Variants in FARSB observed in about 807,000 individuals in gnomAD.
The protein encoded by FARSB is phenylalanyl-tRNA synthetase subunit beta.
A neutral mutation model predicts 69.6 loss-of-function variants in FARSB; 40 were observed. The ratio of observed to expected loss-of-function variants is 0.57; its 90% CI spans 0.45 to 0.75. The LOEUF is 0.75. Among genes scored for constraint, FARSB ranks in the 30% least tolerant of loss-of-function variants. The pLI is 0.00. For synonymous variants in FARSB, 235 were observed against 247.2 expected (o/e 0.95, Z 0.46); for missense variants, 632 against 722.9 (o/e 0.87, Z 1.44).
intron 14 of FARSB, among the ~76,000 whole-genome samples, chr2:222,618,705 G>C (rs1691059074): frequency 6.6e-6 from 1 of 152,104 alleles, no homozygotes; most frequent in Non-Finnish European, 1.5e-5. Context: ...ACCTCTAAAT[G>C]AAACTGCCAA....
intron 15 of FARSB, among the ~76,000 whole-genome samples, chr2:222,612,007 A>G (rs1471042289): frequency 2.0e-5 from 3 of 152,218 alleles, no homozygotes; most frequent in Non-Finnish European, 2.9e-5. Flanking sequence ...AAATGTAACC[A>G]TATATTTATA....
At chr2:222,597,086 G>A (rs564480934) in intron 16 of FARSB, among the ~76,000 whole-genome samples, 25 of 152,172 alleles carry the variant, frequency 1.6e-4, no homozygotes, top group Middle Eastern at 3.4e-3. Flanking sequence ...TGTGTGCCCA[G>A]GACTCCAAGA....
At chr2:222,584,463 T>A (rs541245489) in intron 16 of FARSB, among the ~76,000 whole-genome samples, 2 of 152,272 alleles carry the variant, frequency 1.3e-5, no homozygotes, top group South Asian at 4.2e-4. Context: ...CATTTCCAAC[T>A]GAGGTACCAG....
At chr2:222,588,632 T>G (rs536072049) in intron 16 of FARSB, among the ~76,000 whole-genome samples, 7 of 152,296 alleles carry the variant, frequency 4.6e-5, no homozygotes, top group African/African-American at 1.7e-4. Context: ...GCCCAAAACC[T>G]CCTTAAGCTG....
chr2:222,604,294 T>C (rs991693109), intron 15 of FARSB, among the ~76,000 whole-genome samples: 6 of 152,182 alleles, frequency 3.9e-5, no homozygotes, highest in African/African-American at 1.4e-4. Flanking sequence ...TCAAAAGTTT[T>C]TGTGAAACTT....
At chr2:222,642,741 A>C in intron 3 of FARSB, 110 bp downstream of exon 3, 1 of 721,950 alleles carries the variant, frequency 1.4e-6, no homozygotes, top group Non-Finnish European at 2.2e-6. Context: ...AGCTAAAGCT[A>C]CGTTCCTCTA....
intron 2 of FARSB, 100 bp from the exon 3 acceptor site, chr2:222,643,105 T>C: frequency 5.3e-6 from 3 of 565,516 alleles, no homozygotes; most frequent in East Asian, 2.8e-5. Context: ...ACATTATACA[T>C]ATTTTCTATA....
chr2:222,626,243 CAAAAAAAAAAAAAA>C lies in FARSB; in HGVS notation c.901-1482_901-1469del, dbSNP rs36117232. On this transcript the variant is annotated intron_variant, in intron 10 of 16. Transcript: ENST00000281828. ...TGGGTAACAGAGCGAGACTCCATCT[CAAAAAAAAAAAAAA>C]AAAAAAAAGAAGTAACTAATGAACA... Among the ~76,000 whole-genome samples, 262 of 56,986 alleles carry C rather than the reference CAAAAAAAAAAAAAA, an allele frequency of 4.6e-3. 2 individuals are homozygous for C. The highest frequency in any genetic ancestry group is 0.019 in the Middle Eastern group (2 of 104). The allele number at this position is 56,986 out of a possible 152,430, so 37.4% of individuals were successfully genotyped here. A position where few individuals can be genotyped will look rare whatever the true frequency, so the allele number is the denominator to read the frequency against.
chr2:222,601,263 A>G (rs954374398), intron 15 of FARSB, among the ~76,000 whole-genome samples: 68 of 152,284 alleles, frequency 4.5e-4, no homozygotes, highest in African/African-American at 1.5e-3. Flanking sequence ...GGTAGCTCTC[A>G]TATGTTTTTT....
At chr2:222,598,760 C>G (rs1475609322) in intron 16 of FARSB, among the ~76,000 whole-genome samples, 8 of 152,092 alleles carry the variant, frequency 5.3e-5, no homozygotes, top group African/African-American at 1.7e-4. Flanking sequence ...CCGGCTCCGG[C>G]TTCTTTAACT....
chr2:222,603,991 C>T (rs985258185), intron 15 of FARSB, among the ~76,000 whole-genome samples: 8 of 151,814 alleles, frequency 5.3e-5, no homozygotes, highest in East Asian at 3.9e-4. Context: ...CCAAGGCAGG[C>T]GGATCACAAG....
At chr2:222,655,567 G>A (rs1053152344) in intron 1 of FARSB, among the ~76,000 whole-genome samples, 1 of 152,126 alleles carries the variant, frequency 6.6e-6, no homozygotes, top group Non-Finnish European at 1.5e-5. Flanking sequence ...CATAACAGGC[G>A]CTCAGGAAAC....
chr2:222,632,054 CACGACATGGTGCAAT>C (rs1323683058), intron 7 of FARSB, among the ~76,000 whole-genome samples: 10 of 152,054 alleles, frequency 6.6e-5, no homozygotes, highest in African/African-American at 1.7e-4. Flanking sequence ...GGTGCAATGG[CACGACATGGTGCAAT>C]GGCACGAGAG....
At chr2:222,631,730 C>T (rs1173632331) in intron 7 of FARSB, 56 bp from the exon 8 acceptor site, 8 of 948,584 alleles carry the variant, frequency 8.4e-6, no homozygotes, top group East Asian at 2.4e-5. Context: ...AATAGAAGTG[C>T]ACTATTAAGC....
At position 222,624,443 on chromosome 2, in the gene FARSB, C is replaced by T; in HGVS notation, c.999G>A (p.Arg333=). The change falls in exon 12 of 17, where the codon AGG becomes AGA. Residue 333 remains arginine (R), a synonymous_variant. Coordinates refer to ENST00000281828, the MANE Select transcript of FARSB (RefSeq NM_005687.5). ...CTATGACTTCTGATTTTAAATACAT[C>T]CTGGTCAGAAGTTTGGCAAGATTTT... The part of the protein sequence containing the change: ...TPENLAKLLT[R]MYLKSEVIGD... 1 of 1,613,434 alleles carries T rather than the reference C, an allele frequency of 6.2e-7. No individual in the cohort carries two copies. The highest frequency in any genetic ancestry group is 8.5e-7 in the Non-Finnish European group (1 of 1,179,416).
At chr2:222,639,745 G>C in intron 4 of FARSB, 50 bp from the exon 5 acceptor site, 2 of 726,930 alleles carry the variant, frequency 2.8e-6, no homozygotes, top group Non-Finnish European at 4.4e-6. Flanking sequence ...GCTTTTCTTT[G>C]TAATATCTTG....
chr2:222,600,257 C>G (rs1214285056), intron 15 of FARSB, among the ~76,000 whole-genome samples, 174 bp from the exon 16 acceptor site: 1 of 152,162 alleles, frequency 6.6e-6, no homozygotes, highest in African/African-American at 2.4e-5. Context: ...TTTTTCAGCT[C>G]ATCAAATTCC....
intron 15 of FARSB, among the ~76,000 whole-genome samples, chr2:222,601,296 A>C (rs1023041634): frequency 6.6e-6 from 1 of 152,112 alleles, no homozygotes. Flanking sequence ...ATAATTTTTT[A>C]AAGTATATGA....
intron 14 of FARSB, among the ~76,000 whole-genome samples, chr2:222,615,085 C>A (rs1306972788): frequency 1.3e-5 from 2 of 152,172 alleles, no homozygotes; most frequent in South Asian, 2.1e-4. Context: ...GAAATGCATA[C>A]CCTGGTACAT....
Sources: allele counts gnomAD v4.1 joint callset (sites outside exome capture counted in the v4.1 genomes callset), GRCh38; gene constraint gnomAD v4.1.1; transcripts MANE v1.5; gene names NCBI Gene and HGNC (gene_info 2026-07-23, HGNC 2026-07-21).